AP3B1: variants seen among roughly 807,000 people sequenced by gnomAD.
AP3B1 encodes adaptor related protein complex 3 subunit beta 1, also known as AP-3 complex subunit beta-1.
AP3B1 carries 61 observed loss-of-function variants against 132.5 expected under a neutral mutation model. The ratio of observed to expected loss-of-function variants is 0.46; its 90% CI spans 0.37 to 0.57. AP3B1 has a LOEUF of 0.57. Ranked by LOEUF, AP3B1 falls within the 20% of genes least tolerant of loss-of-function variation. The pLI, the probability that AP3B1 is intolerant of heterozygous loss-of-function variation, is 0.00. For missense variants in AP3B1, 1,120 were observed against 1,289.4 expected (o/e 0.87, Z 2.01); for synonymous variants, 388 against 438.3 (o/e 0.89, Z 1.43).
chr5:78,067,505 G>A (rs959937702), intron 22 of AP3B1, among the ~76,000 whole-genome samples: 4 of 152,088 alleles, frequency 2.6e-5, no homozygotes, highest in Admixed American at 6.6e-5. Flanking sequence ...CTCTAAAATC[G>A]ATCACATCAT....
chr5:78,188,243 TAAACTAA>T (rs1343014464), intron 7 of AP3B1, among the ~76,000 whole-genome samples: 1 of 152,130 alleles, frequency 6.6e-6, no homozygotes, highest in East Asian at 1.9e-4. Flanking sequence ...GGGATCTAAT[TAAACTAA>T]AGAGCTTCTG....
chr5:78,095,755 T>C (rs1409684832), intron 21 of AP3B1, among the ~76,000 whole-genome samples: 1 of 152,206 alleles, frequency 6.6e-6, no homozygotes, highest in Non-Finnish European at 1.5e-5. Context: ...TAAAGTACCT[T>C]GCACTTAGCA....
chr5:78,216,629 A>G (rs1745973290), intron 6 of AP3B1, among the ~76,000 whole-genome samples: 1 of 152,218 alleles, frequency 6.6e-6, no homozygotes, highest in South Asian at 2.1e-4. Flanking sequence ...AGACAATAAC[A>G]AAGCTCACAT....
intron 22 of AP3B1, among the ~76,000 whole-genome samples, chr5:78,079,530 T>C (rs1749902798): frequency 6.6e-6 from 1 of 152,130 alleles, no homozygotes; most frequent in Admixed American, 6.5e-5. Flanking sequence ...TATACAAAGA[T>C]TGATTTAGTA....
chr5:78,060,983 C>T (rs1011555803), intron 22 of AP3B1, among the ~76,000 whole-genome samples: 1 of 152,104 alleles, frequency 6.6e-6, no homozygotes, highest in Non-Finnish European at 1.5e-5. Flanking sequence ...TAATCTGACA[C>T]CTGCTCAGAT....
chr5:78,023,321 A>G (rs1429320682), intron 24 of AP3B1, among the ~76,000 whole-genome samples: 1 of 152,190 alleles, frequency 6.6e-6, no homozygotes, highest in East Asian at 1.9e-4. Flanking sequence ...AGGTGCTTAT[A>G]GTCCTAGCTA....
At chr5:78,121,191 G>T (rs1167214419) in intron 17 of AP3B1, among the ~76,000 whole-genome samples, 1 of 151,912 alleles carries the variant, frequency 6.6e-6, no homozygotes, top group Non-Finnish European at 1.5e-5. Flanking sequence ...CACATTCAAA[G>T]CAGTGTGTAG....
chr5:78,028,806 C>T (rs1381058028), intron 24 of AP3B1, among the ~76,000 whole-genome samples: 1 of 152,138 alleles, frequency 6.6e-6, no homozygotes, highest in Admixed American at 6.5e-5. Flanking sequence ...GGTTCTGATA[C>T]AATTTAATCG....
chr5:78,200,390 T>C (rs1745242786), intron 7 of AP3B1, among the ~76,000 whole-genome samples: 1 of 152,082 alleles, frequency 6.6e-6, no homozygotes, highest in Non-Finnish European at 1.5e-5. Context: ...CAGAATTAAA[T>C]AGTTATTCTG....
At chr5:78,115,379 T>A (rs1337375727) in intron 18 of AP3B1, among the ~76,000 whole-genome samples, 4 of 152,180 alleles carry the variant, frequency 2.6e-5, no homozygotes, top group African/African-American at 9.7e-5. Context: ...TGGGTGTCGT[T>A]TGGTCTTGGG....
rs140918415 is a variant in AP3B1 at position 78,016,247 on chromosome 5, A to AT, written c.2993-700dup. Among the ~76,000 whole-genome samples the AT allele has an allele frequency of 8.9e-4, 135 of 152,262 alleles. 3 individuals are homozygous for AT. The East Asian group carries it at 0.023, about 26-fold the overall frequency. The stretch of plus-strand genomic sequence containing the variant: ...AAATCCCAGGGACATTTCAAATAAT[A>AT]TTTAGGAGAGAAATTAAGTTAAGCA... On this transcript the variant is annotated intron_variant, in intron 25 of 26. Coordinates refer to ENST00000255194, the MANE Select transcript of AP3B1 (RefSeq NM_003664.5).
At chr5:78,193,758 AT>A (rs1329517403) in intron 7 of AP3B1, among the ~76,000 whole-genome samples, 1 of 114,816 alleles carries the variant, frequency 8.7e-6, no homozygotes, top group Non-Finnish European at 1.8e-5. Flanking sequence ...ATATATATAT[AT>A]ATATATATAT....
intron 21 of AP3B1, among the ~76,000 whole-genome samples, chr5:78,092,051 T>C (rs1269887243): frequency 6.6e-6 from 1 of 152,258 alleles, no homozygotes; most frequent in Admixed American, 6.5e-5. Context: ...GATCATAATA[T>C]GTTGCCTTCC....
chr5:78,244,668 G>A (rs1747296312), intron 2 of AP3B1, among the ~76,000 whole-genome samples: 1 of 152,114 alleles, frequency 6.6e-6, no homozygotes, highest in African/African-American at 2.4e-5. Context: ...AGACAGAGAA[G>A]TAGACTGAGT....
At chr5:78,012,889 G>T (rs1268129546) in intron 26 of AP3B1, among the ~76,000 whole-genome samples, 2 of 152,120 alleles carry the variant, frequency 1.3e-5, no homozygotes, top group African/African-American at 2.4e-5. Flanking sequence ...ATTTGAGCAG[G>T]TATTACAGGT....
chr5:78,147,420 T>C (rs1478923310), intron 14 of AP3B1, among the ~76,000 whole-genome samples: 1 of 152,202 alleles, frequency 6.6e-6, no homozygotes, highest in Non-Finnish European at 1.5e-5. Context: ...TATTCCAATT[T>C]GTAAGTCTGT....
intron 1 of AP3B1, among the ~76,000 whole-genome samples, chr5:78,275,749 G>A (rs1748746055): frequency 6.6e-6 from 1 of 152,064 alleles, no homozygotes. Context: ...CTGGATAACA[G>A]GCATGAGCCA....
chr5:78,114,740 A>T (rs1487755909), intron 18 of AP3B1, among the ~76,000 whole-genome samples: 1 of 152,206 alleles, frequency 6.6e-6, no homozygotes, highest in East Asian at 1.9e-4. Flanking sequence ...TTAATTAAAC[A>T]TTCTAATGGT....
At chr5:78,084,980 G>T (rs905012907) in intron 22 of AP3B1, among the ~76,000 whole-genome samples, 1 of 151,852 alleles carries the variant, frequency 6.6e-6, no homozygotes, top group African/African-American at 2.4e-5. Context: ...AATTGTTTTT[G>T]CATACTTTTT....
Sources: allele counts gnomAD v4.1 joint callset (sites outside exome capture counted in the v4.1 genomes callset), GRCh38; gene constraint gnomAD v4.1.1; transcripts MANE v1.5; gene names NCBI Gene and HGNC (gene_info 2026-07-23, HGNC 2026-07-21).